The following PCDHGA12 variants were observed in gnomAD, a reference collection of about 807,000 sequenced individuals.
The protein encoded by PCDHGA12 is protocadherin gamma subfamily A, 12, also known as protocadherin gamma-A12.
A neutral mutation model predicts 61.1 loss-of-function variants in PCDHGA12; 43 were observed. That is an observed-to-expected ratio of 0.70 (90% confidence interval 0.55 to 0.91). The LOEUF (loss-of-function observed/expected upper bound fraction) is 0.91, where lower values mean the gene tolerates loss of function less well. PCDHGA12 is among the 40% of genes least tolerant of loss of function. PCDHGA12 has a pLI of 0.00. For synonymous variants in PCDHGA12, 520 were observed against 542.9 expected (o/e 0.96, Z 0.59); for missense variants, 1,236 against 1,227.7 (o/e 1.01, Z -0.10).
rs1349189547 is a variant in PCDHGA12 at position 141,432,777 on chromosome 5, C to A, written c.2018C>A (p.Ala673Glu). 1.2e-6 allele frequency: 2 copies of A among 1,614,154 alleles called. No individual in the cohort carries two copies. The highest frequency in any genetic ancestry group is 1.3e-5 in the African/African-American group (1 of 75,062). ...AVADSIPQVL[A>E]DLGSLESPAN... ...GCCGACAGCATCCCCCAAGTCCTGGCGGACCTCGGCAGCCTCGAGTCTCCA... is the reference window on the plus strand; with the variant it reads ...GCCGACAGCATCCCCCAAGTCCTGGAGGACCTCGGCAGCCTCGAGTCTCCA... Residue 673 changes from alanine (A) to glutamate (E), a missense_variant, in exon 1 of 4, where the codon GCG (alanine) becomes GAG (glutamate). Ala to Glu is a moderately radical substitution (Grantham distance 107). Transcript: ENST00000252085. This position sits in a 1 kb window ranked among gnomAD's most constrained non-coding sequence, Gnocchi z 6.0.
chr5:141,466,085 G>T (rs1028177123), intron 1 of PCDHGA12, among the ~76,000 whole-genome samples: 2 of 151,984 alleles, frequency 1.3e-5, no homozygotes, highest in African/African-American at 4.8e-5. Flanking sequence ...TCATGCCACT[G>T]CACTCCAGCC....
chr5:141,500,184 TTTTA>T (rs58019021), intron 2 of PCDHGA12, among the ~76,000 whole-genome samples: 6,359 of 135,894 alleles, frequency 0.047, 285 homozygotes, highest in African/African-American at 0.12. Context: ...TCATTTTTAT[TTTTA>T]TTTATTTATT....
chr5:141,500,062 TAA>T (rs1314388217), intron 2 of PCDHGA12, among the ~76,000 whole-genome samples: 1 of 152,144 alleles, frequency 6.6e-6, no homozygotes, highest in East Asian at 1.9e-4. Flanking sequence ...TCTTTTAATG[TAA>T]AAGACTTCCC....
At position 141,432,458 on chromosome 5, in the gene PCDHGA12, C is replaced by T. The variant is rs1368524835; in HGVS notation, c.1699C>T (p.Leu567Phe). 1.9e-6 allele frequency: 3 copies of T among 1,614,136 alleles called. No individual in the cohort carries two copies. The highest frequency in any genetic ancestry group is 8.5e-7 in the Non-Finnish European group (1 of 1,180,066). ...TGCGCCCGAGATCCTGTACCCCGCC[C>T]TCCCCACGGACGGTTCCACTGGCGT... ...DNAPEILYPA[L>F]PTDGSTGVEL... The change falls in exon 1 of 4, where the codon CTC (leucine) becomes TTC (phenylalanine). Residue 567 changes from leucine (L) to phenylalanine (F), a missense_variant. Transcript: ENST00000252085. This position sits in a 1 kb window ranked among gnomAD's most constrained non-coding sequence, Gnocchi z 6.0.
At chr5:141,456,912 G>A (rs566842808) in intron 1 of PCDHGA12, among the ~76,000 whole-genome samples, 2 of 152,206 alleles carry the variant, frequency 1.3e-5, no homozygotes, top group South Asian at 2.1e-4. Context: ...GCAGTGAGCC[G>A]AGATCGCACC....
At chr5:141,436,200 T>C (rs1266606536) in intron 1 of PCDHGA12, among the ~76,000 whole-genome samples, 1 of 152,014 alleles carries the variant, frequency 6.6e-6, no homozygotes, top group African/African-American at 2.4e-5. Context: ...AAGAAAGACA[T>C]AATAGGAAAA....
chr5:141,439,455 C>T (rs62379163), intron 1 of PCDHGA12, among the ~76,000 whole-genome samples: 5,115 of 152,308 alleles, frequency 0.034, 100 homozygotes, highest in Middle Eastern at 0.088. Context: ...GGGAGCAAGA[C>T]TGCACTGCTG....
chr5:141,491,898 G>A lies in PCDHGA12; in HGVS notation c.2425-2909G>A, dbSNP rs772673872. 1.6e-5 allele frequency: 23 copies of A among 1,428,816 alleles called. No homozygotes were observed. The highest frequency in any genetic ancestry group is 3.0e-5 in the South Asian group (2 of 66,966). The allele number at this position is 1,428,816 out of a possible 1,614,324, so 88.5% of individuals were successfully genotyped here. A position where few individuals can be genotyped will look rare whatever the true frequency, so the allele number is the denominator to read the frequency against. ...ATTAAGGGATGGGGCTCCGAGCACC[G>A]GGGGTGGTGGCGACTGTGGGCGAGG... On this transcript the variant is annotated intron_variant, in intron 1 of 3. Coordinates refer to ENST00000252085, the MANE Select transcript of PCDHGA12 (RefSeq NM_003735.3). This position sits in a 1 kb window ranked among gnomAD's most constrained non-coding sequence, Gnocchi z 6.9.
chr5:141,431,227 C>A lies in PCDHGA12; in HGVS notation c.468C>A (p.His156Gln), dbSNP rs759752051. The change falls in exon 1 of 4, where the codon CAC becomes CAA. Residue 156 changes from histidine to glutamine, a missense_variant. Transcript: ENST00000252085. This position sits in a 1 kb window ranked among gnomAD's most constrained non-coding sequence, Gnocchi z 4.8. Reference sequence around the variant, plus strand: ...CTGAGATGCGGTTCCCTCTACCCCACGCCTGGGATCCGGATATCGGGAAGA... The same window carrying A: ...CTGAGATGCGGTTCCCTCTACCCCAAGCCTGGGATCCGGATATCGGGAAGA... ...AATEMRFPLP[H>Q]AWDPDIGKNS... 6.2e-7 allele frequency: 1 copy of A among 1,614,180 alleles called. No homozygotes were observed. The highest frequency in any genetic ancestry group is 8.5e-7 in the Non-Finnish European group (1 of 1,180,042).
At chr5:141,447,656 C>T (rs1352103605) in intron 1 of PCDHGA12, among the ~76,000 whole-genome samples, 1 of 152,056 alleles carries the variant, frequency 6.6e-6, no homozygotes, top group Non-Finnish European at 1.5e-5. Flanking sequence ...ATTTTCCCCC[C>T]CAGGAAGTTA....
At chr5:141,500,145 T>C (rs2099796736) in intron 2 of PCDHGA12, among the ~76,000 whole-genome samples, 2 of 151,992 alleles carry the variant, frequency 1.3e-5, no homozygotes, top group East Asian at 3.9e-4. Context: ...TAAACTTTTC[T>C]TTGTGTAATC....
Position 141,433,001 on chromosome 5 carries a change from G to T in PCDHGA12, c.2242G>T (p.Ala748Ser). 6.2e-7 allele frequency: 1 copy of T among 1,614,156 alleles called. No homozygotes were observed. Among genetic ancestry groups the T allele is most frequent in the African/African-American group, 1.3e-5 (1 of 75,054 alleles). Residue 748 changes from alanine to serine, a missense_variant, in exon 1 of 4, where the codon GCT (alanine) becomes TCT (serine). By Grantham distance (99) the Ala-to-Ser change is moderately conservative. Transcript: ENST00000252085. Reference protein sequence around the residue: ...SHFVGVDGVQAFLQTYSHEVS... With the variant: ...SHFVGVDGVQSFLQTYSHEVS... The stretch of plus-strand genomic sequence containing the variant: ...CTTTGTGGGCGTGGACGGGGTGCAG[G>T]CTTTCCTGCAGACCTATTCCCACGA...
Position 141,505,424 on chromosome 5 carries a change from C to T in PCDHGA12, c.2515C>T (p.Pro839Ser), listed in dbSNP as rs1422538114. The T allele has an allele frequency of 1.2e-6, 2 of 1,614,200 alleles. No individual in the cohort carries two copies. Among genetic ancestry groups the T allele is most frequent in the Non-Finnish European group, 1.7e-6 (2 of 1,180,028 alleles). Residue 839 changes from proline (P) to serine (S), a missense_variant, in exon 3 of 4, where the codon CCC (proline) becomes TCC (serine). Pro to Ser is a moderately conservative substitution (Grantham distance 74). Transcript: ENST00000252085. ...AAATGGCGATGACACCGGCACCTGG[C>T]CCAACAACCAGTTTGACACAGAGAT... is the stretch of plus-strand genomic sequence containing the variant. ...SQNGDDTGTW[P>S]NNQFDTEMLQ...
intron 2 of PCDHGA12, among the ~76,000 whole-genome samples, chr5:141,496,392 C>T (rs6879760): frequency 0.064 from 9,762 of 152,240 alleles, 510 homozygotes; most frequent in African/African-American, 0.15. Context: ...CCTTACCCTA[C>T]CTCCTCAATG....
chr5:141,439,211 A>G (rs1438403213), intron 1 of PCDHGA12, among the ~76,000 whole-genome samples: 1 of 151,666 alleles, frequency 6.6e-6, no homozygotes, highest in Non-Finnish European at 1.5e-5. Flanking sequence ...AAAAATCCAT[A>G]TGTGAAAATT....
intron 1 of PCDHGA12, chr5:141,478,509 G>A: frequency 1.2e-6 from 2 of 1,611,878 alleles, no homozygotes; most frequent in South Asian, 1.1e-5. Flanking sequence ...GTGTTCTATA[G>A]GCAGGTGTTG....
chr5:141,447,742 T>G (rs1440015460), intron 1 of PCDHGA12, among the ~76,000 whole-genome samples: 3 of 152,056 alleles, frequency 2.0e-5, no homozygotes, highest in Non-Finnish European at 4.4e-5. Flanking sequence ...AACTTAAGAG[T>G]CTTGCATGTG....
At chr5:141,498,520 A>T (rs1178141390) in intron 2 of PCDHGA12, among the ~76,000 whole-genome samples, 1 of 149,264 alleles carries the variant, frequency 6.7e-6, no homozygotes, top group Non-Finnish European at 1.5e-5. Flanking sequence ...CATCTTGCCC[A>T]CTGCCCTCCA....
intron 2 of PCDHGA12, among the ~76,000 whole-genome samples, chr5:141,502,238 T>A (rs2099813398): frequency 6.6e-6 from 1 of 152,204 alleles, no homozygotes; most frequent in Non-Finnish European, 1.5e-5. Flanking sequence ...TGTGTTCTTT[T>A]ATCCTTTTTT....
Sources: allele counts gnomAD v4.1 joint callset (sites outside exome capture counted in the v4.1 genomes callset), GRCh38; gene constraint gnomAD v4.1.1; non-coding constraint Gnocchi (gnomAD v3.1); transcripts MANE v1.5; gene names NCBI Gene and HGNC (gene_info 2026-07-23, HGNC 2026-07-21).